The following PLB1 variants were observed in gnomAD, a reference collection of about 807,000 sequenced individuals.
PLB1 encodes phospholipase B1, membrane-associated.
In PLB1, 242 loss-of-function variants were observed where a neutral mutation model predicts 227.4. That is an observed-to-expected ratio of 1.06 (90% confidence interval 0.96 to 1.18). PLB1 has a LOEUF of 1.18. Among genes scored for constraint, PLB1 ranks in the 50% most tolerant of loss-of-function variants. The pLI is 0.00. For missense variants in PLB1, 1,858 were observed against 1,816.3 expected, an observed-to-expected ratio of 1.02 and a Z score of -0.42; for synonymous variants, 757 against 682.2, an observed-to-expected ratio of 1.11 and a Z score of -1.71.
In PLB1 at chr2:28,537,580, A is replaced by C. The variant is rs550006330; in HGVS notation, c.556-739A>C. 3.4e-5 allele frequency among the ~76,000 whole-genome samples: 5 copies of C among 145,686 alleles called. No homozygotes were observed. In the South Asian group the frequency reaches 1.1e-3, roughly 31 times the overall value. ...GTGGCGGGCGCCTGTAATCCCAGCT[A>C]CTCAGGAGGTGGAGGTTGCACTGAG... is the stretch of plus-strand genomic sequence containing the variant. On this transcript the variant is annotated intron_variant, in intron 9 of 57. Transcript: ENST00000327757.
At position 28,496,142 on chromosome 2, in the gene PLB1, C is replaced by A. The variant is rs1302012076; in HGVS notation, c.28C>A (p.Leu10Met). The A allele has an allele frequency of 1.2e-6, 2 of 1,614,106 alleles. No individual in the cohort carries two copies. The highest frequency in any genetic ancestry group is 1.7e-6 in the Non-Finnish European group (2 of 1,179,994). Residue 10 changes from leucine (L) to methionine (M), a missense_variant, in exon 1 of 58, where the codon CTG becomes ATG. Leu to Met is a conservative substitution (Grantham distance 15). Coordinates refer to ENST00000327757, the MANE Select transcript of PLB1 (RefSeq NM_153021.5). ...GGGGCTGCGGCCAGGCATTTTCCTC[C>A]TGGAGCTGCTGCTGCTTCTGGGGCA... The part of the protein sequence containing the change: MGLRPGIFL[L>M]ELLLLLGQGT...
At chr2:28,626,794 A>G (rs976856801) in intron 51 of PLB1, among the ~76,000 whole-genome samples, 1 of 152,140 alleles carries the variant, frequency 6.6e-6, no homozygotes, top group Non-Finnish European at 1.5e-5. Context: ...TCTTATCCAC[A>G]CAAATATGAC....
At chr2:28,639,680 G>C (rs1325715731) in intron 56 of PLB1, among the ~76,000 whole-genome samples, 2 of 152,216 alleles carry the variant, frequency 1.3e-5, no homozygotes, top group Non-Finnish European at 2.9e-5. Flanking sequence ...TTAGTTCTGG[G>C]TTCCTGGAAT....
At chr2:28,563,143 TG>T (rs1305464977) in intron 18 of PLB1, 44 bp downstream of exon 18, 3 of 1,559,316 alleles carry the variant, frequency 1.9e-6, no homozygotes, top group Non-Finnish European at 2.7e-6. Context: ...GAAAAGATTT[TG>T]ACTAATATGA....
rs199521427 is a variant in PLB1, at chr2:28,524,827, G to GTT, written c.244-439_244-438dup. ...AAGGAGCCTTCATCTTTCTCTGTAG[G>GTT]TTCTCTCTCTCTCTCTCTTTTTTTT... On this transcript the variant is annotated intron_variant, in intron 4 of 57. Transcript: ENST00000327757. Among the ~76,000 whole-genome samples, 155 of 147,252 alleles carry GTT rather than the reference G, an allele frequency of 1.1e-3. 4 individuals carry two copies. The East Asian group carries it at 0.029, about 28-fold the overall frequency.
chr2:28,578,282 A>T (rs1290520422), intron 22 of PLB1, 124 bp downstream of exon 22: 1 of 872,938 alleles, frequency 1.1e-6, no homozygotes. Context: ...AGCCTAAAAC[A>T]CTGCTTCTCT....
chr2:28,543,310 C>T lies in PLB1; in HGVS notation c.936+42C>T, dbSNP rs1336712923. On this transcript the variant is annotated intron_variant, in intron 14 of 57. Coordinates refer to ENST00000327757, the MANE Select transcript of PLB1 (RefSeq NM_153021.5). ...TGGGGTGGGGCCCACAGAGGAGGGG[C>T]AAGGTCTCCACCACCACTGAGCCCA... 3.1e-6 allele frequency: 5 copies of T among 1,587,826 alleles called. No homozygotes were observed. The South Asian group carries it at 4.6e-5, about 14-fold the overall frequency.
At position 28,573,174 on chromosome 2, in the gene PLB1, G is replaced by A. The variant is rs199608375; in HGVS notation, c.1325-23G>A. 7.3e-5 allele frequency: 115 copies of A among 1,570,880 alleles called. No homozygotes were observed. The African/African-American group carries it at 1.1e-3, about 15-fold the overall frequency. On this transcript the variant is annotated intron_variant, in intron 20 of 57. Coordinates refer to ENST00000327757, the MANE Select transcript of PLB1 (RefSeq NM_153021.5). ...GATTGCTTTGCAGTAGTCACTAAGC[G>A]TGTCTTTTCCTTGTATTTGCAGACA... is the stretch of plus-strand genomic sequence containing the variant.
At chr2:28,552,215 C>T (rs1186919752) in intron 16 of PLB1, among the ~76,000 whole-genome samples, 4 of 152,142 alleles carry the variant, frequency 2.6e-5, no homozygotes, top group Non-Finnish European at 4.4e-5. Context: ...AAAGGATACC[C>T]ACGACCTCAG....
rs749835257 is a variant in PLB1, at chr2:28,593,700, C to T, written c.2267C>T (p.Ser756Phe). 1.2e-6 allele frequency: 2 copies of T among 1,614,096 alleles called. No individual in the cohort carries two copies. Among genetic ancestry groups the T allele is most frequent in the Admixed American group, 3.3e-5 (2 of 60,012 alleles). Reference protein sequence around the residue: ...DSLTAGNGIGSKPDDLPDVTT... With the variant: ...DSLTAGNGIGFKPDDLPDVTT... Reference sequence around the variant, plus strand: ...TCAAAGGCTGGCAATGGAATTGGCTCCAAACCAGACGACCTCCCCGATGTC... The same window carrying T: ...TCAAAGGCTGGCAATGGAATTGGCTTCAAACCAGACGACCTCCCCGATGTC... Residue 756 changes from serine to phenylalanine, a missense_variant, in exon 33 of 58, where the codon TCC becomes TTC. Transcript: ENST00000327757.
chr2:28,541,126 C>T (rs996332045), intron 12 of PLB1, among the ~76,000 whole-genome samples: 1 of 151,966 alleles, frequency 6.6e-6, no homozygotes, highest in Non-Finnish European at 1.5e-5. Context: ...GAGCCGAGAT[C>T]GCACCACTGC....
At chr2:28,560,560 C>G (rs1490122596) in intron 17 of PLB1, among the ~76,000 whole-genome samples, 1 of 152,084 alleles carries the variant, frequency 6.6e-6, no homozygotes, top group Admixed American at 6.5e-5. Context: ...GTGGGAGGAT[C>G]GCTTGAGCCC....
At chr2:28,540,069 C>T (rs1203263983) in intron 11 of PLB1, among the ~76,000 whole-genome samples, 1 of 126,108 alleles carries the variant, frequency 7.9e-6, no homozygotes, top group Admixed American at 8.1e-5. Context: ...CTAACCCATA[C>T]CCACCCCCTA....
At chr2:28,600,518 C>A (rs1683700134) in intron 35 of PLB1, among the ~76,000 whole-genome samples, 1 of 152,158 alleles carries the variant, frequency 6.6e-6, no homozygotes, top group Non-Finnish European at 1.5e-5. Flanking sequence ...AGCATGGAAT[C>A]CTAAAGGCCC....
chr2:28,511,182 T>C lies in PLB1; in HGVS notation c.56-5626T>C, dbSNP rs1002619141. On this transcript the variant is annotated intron_variant, in intron 1 of 57. Transcript: ENST00000327757. ...TCTGCCCACAAAGCAATTTGTTTCA[T>C]GTCTTTTAAACTCCAAAATATATTA... Among the ~76,000 whole-genome samples, 4 of 152,240 alleles carry C rather than the reference T, an allele frequency of 2.6e-5. No individual in the cohort carries two copies. The South Asian group carries it at 6.2e-4, about 24-fold the overall frequency.
chr2:28,637,244 G>A (rs529830068), intron 56 of PLB1, among the ~76,000 whole-genome samples: 5 of 145,184 alleles, frequency 3.4e-5, no homozygotes, highest in African/African-American at 1.3e-4. Context: ...AGTGAGCCAA[G>A]ATTGCATCAT....
chr2:28,609,036 C>T (rs4666108), intron 43 of PLB1, among the ~76,000 whole-genome samples: 65,152 of 151,976 alleles, frequency 0.43, 14,757 homozygotes, highest in East Asian at 0.89. Flanking sequence ...CCACCTCAGC[C>T]TCCTGAGTAG....
chr2:28,550,123 G>T, intron 16 of PLB1, 39 bp downstream of exon 16: 1 of 1,467,718 alleles, frequency 6.8e-7, no homozygotes, highest in South Asian at 1.2e-5. Flanking sequence ...ACATGCAGAT[G>T]AACCAGGGGC....
intron 21 of PLB1, among the ~76,000 whole-genome samples, chr2:28,575,071 A>G (rs1245671567): frequency 6.6e-6 from 1 of 152,202 alleles, no homozygotes; most frequent in Non-Finnish European, 1.5e-5. Flanking sequence ...TTCTACTTTC[A>G]GTCTTTAAGG....
Sources: allele counts gnomAD v4.1 joint callset (sites outside exome capture counted in the v4.1 genomes callset), GRCh38; gene constraint gnomAD v4.1.1; transcripts MANE v1.5; gene names NCBI Gene and HGNC (gene_info 2026-07-23, HGNC 2026-07-21).